Variants in MEF2A observed in about 807,000 individuals in gnomAD.
The protein encoded by MEF2A is myocyte enhancer factor 2A.
MEF2A carries 28 observed loss-of-function variants against 55.8 expected under a neutral mutation model. That is an observed-to-expected ratio of 0.50 (90% CI 0.37 to 0.69). The LOEUF (loss-of-function observed/expected upper bound fraction) is 0.69. Among genes scored for constraint, MEF2A ranks in the 30% least tolerant of loss-of-function variants. The probability of loss-of-function intolerance (pLI) is 0.00; values close to 1 mark genes in which losing one functional copy is unlikely to be tolerated. For missense variants in MEF2A, 528 were observed against 626.2 expected, an observed-to-expected ratio of 0.84 and a Z score of 1.67; for synonymous variants, 239 against 227.1, an observed-to-expected ratio of 1.05 and a Z score of -0.47.
intron 7 of MEF2A, among the ~76,000 whole-genome samples, chr15:99,688,856 G>A (rs74318887): frequency 0.028 from 4,260 of 152,192 alleles, 140 homozygotes; most frequent in African/African-American, 0.069. Flanking sequence ...TGTTTTACCC[G>A]GGTTCTGATT....
chr15:99,681,042 G>T (rs2053154962), intron 7 of MEF2A, among the ~76,000 whole-genome samples: 1 of 151,984 alleles, frequency 6.6e-6, no homozygotes, highest in Admixed American at 6.6e-5. Context: ...TTTAATACTG[G>T]GTTTATACTA....
chr15:99,691,100 G>GTTTTT lies in MEF2A; in HGVS notation c.858+685_858+689dup, dbSNP rs3979130. 4.4e-4 allele frequency among the ~76,000 whole-genome samples: 54 copies of GTTTTT among 122,892 alleles called. 3 individuals are homozygous for GTTTTT. Among genetic ancestry groups the GTTTTT allele is most frequent in the South Asian group, 5.6e-4 (2 of 3,582 alleles). 80.6% of individuals were successfully genotyped at this position (122,892 alleles called of 152,430 possible). A position where few individuals can be genotyped will look rare whatever the true frequency, so the allele number is the denominator to read the frequency against. The stretch of plus-strand genomic sequence containing the variant: ...TAATATGTAACACCTTTCGAATCAG[G>GTTTTT]TTTTTTTTTTTTTTTTTGAGTCGTT... On this transcript the variant is annotated intron_variant, in intron 8 of 11. Transcript: ENST00000557942.
chr15:99,601,697 A>G (rs79660619), intron 2 of MEF2A, among the ~76,000 whole-genome samples: 3,184 of 152,112 alleles, frequency 0.021, 51 homozygotes, highest in Non-Finnish European at 0.034. Context: ...TCACTTGGTC[A>G]TGATGTGTTA....
intron 7 of MEF2A, among the ~76,000 whole-genome samples, chr15:99,680,125 G>C (rs544526521): frequency 2.3e-4 from 35 of 152,206 alleles, no homozygotes; most frequent in African/African-American, 7.7e-4. Context: ...GCTGAGTCTG[G>C]GACCACTCTT....
chr15:99,708,127 G>T (rs868081922), intron 10 of MEF2A, among the ~76,000 whole-genome samples: 1 of 152,226 alleles, frequency 6.6e-6, no homozygotes, highest in Non-Finnish European at 1.5e-5. Context: ...CTGTTTCGAC[G>T]CATTGATCAC....
At chr15:99,656,337 T>G (rs2047700608) in intron 4 of MEF2A, among the ~76,000 whole-genome samples, 1 of 152,102 alleles carries the variant, frequency 6.6e-6, no homozygotes, top group Admixed American at 6.5e-5. Flanking sequence ...TAGAGGCCTC[T>G]GCTGTATTGC....
At chr15:99,645,006 G>T (rs184376300) in intron 3 of MEF2A, among the ~76,000 whole-genome samples, 3 of 152,114 alleles carry the variant, frequency 2.0e-5, no homozygotes, top group Admixed American at 6.6e-5. Flanking sequence ...TTTTGGGGGG[G>T]TCTCTGTTAG....
In MEF2A at chr15:99,609,194, G is replaced by T. The variant is rs575385288; in HGVS notation, c.-143+10683G>T. 3.4e-3 allele frequency among the ~76,000 whole-genome samples: 521 copies of T among 152,268 alleles called. 3 individuals are homozygous for T. Among genetic ancestry groups the T allele is most frequent in the African/African-American group, 0.011 (474 of 41,556 alleles). On this transcript the variant is annotated intron_variant, in intron 2 of 11. Transcript: ENST00000557942. Reference sequence around the variant, plus strand: ...GCATGACATTGTTCATAATGGCTTTGGGTCATAGTGATTTCTTGCTCTCTT... The same window carrying T: ...GCATGACATTGTTCATAATGGCTTTTGGTCATAGTGATTTCTTGCTCTCTT...
rs2050849656 is a variant in MEF2A, at chr15:99,671,461, A to G, written c.390+7A>G. On this transcript the variant is annotated splice_region_variant and intron_variant, in intron 5 of 11. Transcript: ENST00000557942. Reference sequence around the variant, plus strand: ...TATTTTCAAACGAGGCCCTGTAAGTACTTTTACTTTACCTCTACTTTTTAT... The same window carrying G: ...TATTTTCAAACGAGGCCCTGTAAGTGCTTTTACTTTACCTCTACTTTTTAT... The G allele has an allele frequency of 6.2e-7, 1 of 1,613,884 alleles. No homozygotes were observed. The highest frequency in any genetic ancestry group is 8.5e-7 in the Non-Finnish European group (1 of 1,179,794).
In MEF2A at chr15:99,580,179, ATCAG is replaced by A. The variant is rs1186893047; in HGVS notation, c.-225+14079_-225+14082del. 8.5e-5 allele frequency among the ~76,000 whole-genome samples: 13 copies of A among 152,118 alleles called. No individual in the cohort carries two copies. In the East Asian group the frequency reaches 9.6e-4, roughly 11 times the overall value. ...TTTCGGATGGATGAGAGTTTGGGGG[ATCAG>A]TCAAAGAGTTGGGGTGAATGACAGT... is the stretch of plus-strand genomic sequence containing the variant. On this transcript the variant is annotated intron_variant, in intron 1 of 11. Coordinates refer to ENST00000557942, the MANE Select transcript of MEF2A (RefSeq NM_001319206.4).
chr15:99,586,241 TAAG>T (rs1967208997), intron 1 of MEF2A, among the ~76,000 whole-genome samples: 1 of 152,200 alleles, frequency 6.6e-6, no homozygotes, highest in African/African-American at 2.4e-5. Flanking sequence ...TTTTATTTCA[TAAG>T]AAACTGTGCA....
rs2059134157 is a variant in MEF2A, at chr15:99,716,188, T to TA, written c.*3421dup. 5.4e-6 allele frequency: 1 copy of TA among 183,992 alleles called. No homozygotes were observed. Among genetic ancestry groups the TA allele is most frequent in the African/African-American group, 2.4e-5 (1 of 42,432 alleles). 11.4% of individuals were successfully genotyped at this position (183,992 alleles called of 1,614,324 possible). On this transcript the variant is annotated 3_prime_UTR_variant, in exon 12 of 12. Coordinates refer to ENST00000557942, the MANE Select transcript of MEF2A (RefSeq NM_001319206.4). ...TTTGCTATATTTAAAATGGCTTTTTTAAAAGAGATTTATGTATTTGGTAAA... is the reference window on the plus strand; with the variant it reads ...TTTGCTATATTTAAAATGGCTTTTTTAAAAAGAGATTTATGTATTTGGTAAA...
chr15:99,603,250 TTC>T (rs1387977684), intron 2 of MEF2A, among the ~76,000 whole-genome samples: 7 of 152,230 alleles, frequency 4.6e-5, no homozygotes, highest in African/African-American at 1.7e-4. Flanking sequence ...CCAGATTTCT[TTC>T]TCTTACAGGT....
At chr15:99,592,100 T>A (rs1397184960) in intron 1 of MEF2A, among the ~76,000 whole-genome samples, 1 of 152,142 alleles carries the variant, frequency 6.6e-6, no homozygotes, top group Non-Finnish European at 1.5e-5. Flanking sequence ...GGCAGACTGA[T>A]AAATTTCTTG....
At position 99,712,435 on chromosome 15, in the gene MEF2A, C is replaced by T; in HGVS notation, c.1182C>T (p.Thr394=). The T allele has an allele frequency of 6.5e-7, 1 of 1,549,456 alleles. No individual in the cohort carries two copies. Among genetic ancestry groups the T allele is most frequent in the Non-Finnish European group, 8.7e-7 (1 of 1,145,052 alleles). The change falls in exon 12 of 12, where the codon ACC becomes ACT. Residue 394 remains threonine, a synonymous_variant. Transcript: ENST00000557942. The surrounding 1 kb of genome is among the most constrained non-coding windows in gnomAD (Gnocchi z 4.1). The part of the protein sequence containing the change: ...LSQGSNLSIN[T]NQNISIKSEP... ...AGGGTTCCAATTTATCCATTAATAC[C>T]AACCAAAACATCAGCATCAAGTCCG... is the stretch of plus-strand genomic sequence containing the variant.
chr15:99,568,249 ACCATGTTGAATTATGGT>A (rs1420920154), intron 1 of MEF2A, among the ~76,000 whole-genome samples: 1 of 152,178 alleles, frequency 6.6e-6, no homozygotes, highest in Admixed American at 6.5e-5. Context: ...TTGTAATGTC[ACCATGTTGAATTATGGT>A]TTGAGAATAA....
chr15:99,574,405 T>A (rs968634293), intron 1 of MEF2A, among the ~76,000 whole-genome samples: 1 of 152,182 alleles, frequency 6.6e-6, no homozygotes, highest in Non-Finnish European at 1.5e-5. Context: ...ACACTTTATT[T>A]TCCATTATTA....
chr15:99,614,612 G>C (rs1348757946), intron 2 of MEF2A, among the ~76,000 whole-genome samples: 1 of 152,170 alleles, frequency 6.6e-6, no homozygotes, highest in Non-Finnish European at 1.5e-5. Context: ...AATTACAGTT[G>C]AGGTAAATGC....
intron 1 of MEF2A, among the ~76,000 whole-genome samples, chr15:99,566,928 GA>G (rs1375849325): frequency 6.6e-6 from 1 of 152,212 alleles, no homozygotes; most frequent in Non-Finnish European, 1.5e-5. Flanking sequence ...CCAGCTCGCA[GA>G]AAATATTTTT....
Sources: allele counts gnomAD v4.1 joint callset (sites outside exome capture counted in the v4.1 genomes callset), GRCh38; gene constraint gnomAD v4.1.1; non-coding constraint Gnocchi (gnomAD v3.1); transcripts MANE v1.5; gene names NCBI Gene and HGNC (gene_info 2026-07-23, HGNC 2026-07-21).